The following CNTN6 variants were observed in gnomAD, a reference collection of about 807,000 sequenced individuals.
CNTN6 encodes the protein contactin-6.
In CNTN6, 137 loss-of-function variants were observed where a neutral mutation model predicts 122.8. The observed-to-expected ratio is 1.12, with a 90% CI of 0.97 to 1.29. CNTN6 has a LOEUF of 1.29. Among genes scored for constraint, CNTN6 ranks in the 50% most tolerant of loss-of-function variants. The pLI is 0.00. For missense variants in CNTN6, 1,634 were observed against 1,223.4 expected, an observed-to-expected ratio of 1.34 and a Z score of -5.01; for synonymous variants, 570 against 426.0, an observed-to-expected ratio of 1.34 and a Z score of -4.16.
chr3:1,155,879 G>T (rs996475137), intron 2 of CNTN6, among the ~76,000 whole-genome samples: 1 of 152,070 alleles, frequency 6.6e-6, no homozygotes, highest in African/African-American at 2.4e-5. Context: ...TTAGCTTATT[G>T]ACACAGATGC....
At chr3:1,173,308 T>A (rs1575115728) in intron 2 of CNTN6, 4 of 456,620 alleles carry the variant, frequency 8.8e-6, no homozygotes, top group African/African-American at 4.0e-5. Context: ...CACCTGGCGG[T>A]TTGCAAAGAG....
intron 12 of CNTN6, among the ~76,000 whole-genome samples, chr3:1,363,443 A>G (rs1707768525): frequency 6.6e-6 from 1 of 151,954 alleles, no homozygotes; most frequent in Admixed American, 6.6e-5. Flanking sequence ...GCTCTCAGTG[A>G]CCACCATTCT....
At chr3:1,348,465 G>C (rs1311416077) in intron 11 of CNTN6, among the ~76,000 whole-genome samples, 1 of 151,942 alleles carries the variant, frequency 6.6e-6, no homozygotes, top group Non-Finnish European at 1.5e-5. Flanking sequence ...AGAATCTTGA[G>C]AAAATGCACA....
Position 1,247,630 on chromosome 3 carries a change from A to C in CNTN6, c.358+19637A>C, listed in dbSNP as rs375310279. Among the ~76,000 whole-genome samples the C allele has an allele frequency of 3.3e-5, 5 of 152,304 alleles. No individual in the cohort carries two copies. In the East Asian group the frequency reaches 9.6e-4, roughly 29 times the overall value. The stretch of plus-strand genomic sequence containing the variant: ...CGGTACATATCTTTCATTGGATAAA[A>C]ATATAACAACTGTTTCTGTGAGTAT... On this transcript the variant is annotated intron_variant, in intron 4 of 22. Coordinates refer to ENST00000446702, the MANE Select transcript of CNTN6 (RefSeq NM_001289080.2).
Position 1,383,170 on chromosome 3 carries a change from G to A in CNTN6, c.2395G>A (p.Glu799Lys), listed in dbSNP as rs748622111. 1 of 1,611,856 alleles carries A rather than the reference G, an allele frequency of 6.2e-7. No homozygotes were observed. The highest frequency in any genetic ancestry group is 8.5e-7 in the Non-Finnish European group (1 of 1,177,996). ...LSTVTIVYSGEDEPQLAPRGT... is the reference protein window; with the variant it reads ...LSTVTIVYSGKDEPQLAPRGT... Reference sequence around the variant, plus strand: ...TACTGTGACCATTGTCTACTCTGGGGAAGATGGTAAGTTGTCCTCAACTCT... The same window carrying A: ...TACTGTGACCATTGTCTACTCTGGGAAAGATGGTAAGTTGTCCTCAACTCT... The change falls in exon 18 of 23, where the codon GAA becomes AAA. Residue 799 changes from glutamate (E) to lysine (K), a missense_variant. Transcript: ENST00000446702.
Position 1,325,958 on chromosome 3 carries a change from A to G in CNTN6, c.1083+7A>G, listed in dbSNP as rs377750543. 2 of 1,603,162 alleles carry G rather than the reference A, an allele frequency of 1.2e-6. No individual in the cohort carries two copies. The highest frequency in any genetic ancestry group is 2.7e-5 in the African/African-American group (2 of 73,992). Reference sequence around the variant, plus strand: ...TGAACGACTCAACCCAGAGGTAAGCAACTATGTTGATATTAAAAGTTTACC... The same window carrying G: ...TGAACGACTCAACCCAGAGGTAAGCGACTATGTTGATATTAAAAGTTTACC... On this transcript the variant is annotated splice_region_variant and intron_variant, in intron 9 of 22. Transcript: ENST00000446702.
At chr3:1,329,745 CTGAG>C (rs750419076) in intron 10 of CNTN6, 36 bp from the exon 11 acceptor site, 2 of 1,574,358 alleles carry the variant, frequency 1.3e-6, no homozygotes, top group African/African-American at 2.7e-5. Context: ...TACATGTTAA[CTGAG>C]TAATTAAACA....
intron 5 of CNTN6, among the ~76,000 whole-genome samples, chr3:1,294,292 A>T (rs1242713722): frequency 1.3e-5 from 2 of 152,224 alleles, no homozygotes; most frequent in Non-Finnish European, 1.5e-5. Context: ...GCTTATAGTC[A>T]TGAAAACAAT....
chr3:1,179,863 C>A (rs965582951), intron 2 of CNTN6, among the ~76,000 whole-genome samples: 1 of 152,096 alleles, frequency 6.6e-6, no homozygotes, highest in Admixed American at 6.6e-5. Flanking sequence ...AATCTACAAG[C>A]CAGTTAAAAT....
chr3:1,240,587 A>C (rs2094469989), intron 4 of CNTN6, among the ~76,000 whole-genome samples: 1 of 152,174 alleles, frequency 6.6e-6, no homozygotes, highest in Non-Finnish European at 1.5e-5. Flanking sequence ...AATGTAAACT[A>C]GTACAATCAC....
intron 20 of CNTN6, among the ~76,000 whole-genome samples, chr3:1,398,845 T>C (rs1168342542): frequency 1.3e-5 from 2 of 152,156 alleles, no homozygotes; most frequent in African/African-American, 2.4e-5. Flanking sequence ...ATCTGTATAA[T>C]TGGCTATTCA....
intron 2 of CNTN6, among the ~76,000 whole-genome samples, chr3:1,183,038 C>A (rs2093580006): frequency 6.6e-6 from 1 of 152,056 alleles, no homozygotes; most frequent in Non-Finnish European, 1.5e-5. Context: ...GCAGGCATGG[C>A]CTCTTTTCTT....
At chr3:1,157,224 T>TA (rs1249841031) in intron 2 of CNTN6, among the ~76,000 whole-genome samples, 5,891 of 144,774 alleles carry the variant, frequency 0.041, 148 homozygotes, top group African/African-American at 0.049. Context: ...TTATTTAATT[T>TA]ATTTATTTAT....
chr3:1,226,882 A>T (rs1014345399), intron 3 of CNTN6, among the ~76,000 whole-genome samples: 3 of 152,280 alleles, frequency 2.0e-5, no homozygotes, highest in Admixed American at 6.5e-5. Context: ...CAATAGTTTT[A>T]AGTGTTTATT....
intron 2 of CNTN6, among the ~76,000 whole-genome samples, chr3:1,191,093 G>C (rs1260892133): frequency 6.6e-6 from 1 of 152,104 alleles, no homozygotes; most frequent in African/African-American, 2.4e-5. Flanking sequence ...CTAATACTGA[G>C]CTCCTAAAAC....
chr3:1,336,232 A>G (rs969403551), intron 11 of CNTN6, among the ~76,000 whole-genome samples: 29 of 152,288 alleles, frequency 1.9e-4, no homozygotes, highest in Non-Finnish European at 3.8e-4. Flanking sequence ...TAATGATGAT[A>G]ACCACTTTAA....
chr3:1,241,294 G>A (rs955670646), intron 4 of CNTN6, among the ~76,000 whole-genome samples: 6 of 139,136 alleles, frequency 4.3e-5, no homozygotes, highest in African/African-American at 1.3e-4. Context: ...GAAGTGTTGG[G>A]GTGGTGAAAA....
intron 5 of CNTN6, among the ~76,000 whole-genome samples, chr3:1,286,457 C>T (rs1694358366): frequency 1.3e-5 from 2 of 152,036 alleles, no homozygotes; most frequent in Non-Finnish European, 2.9e-5. Flanking sequence ...GTTTGGTTTT[C>T]TGTTCTTGTG....
intron 4 of CNTN6, among the ~76,000 whole-genome samples, chr3:1,274,360 G>C (rs894094188): frequency 6.6e-6 from 1 of 152,170 alleles, no homozygotes; most frequent in Non-Finnish European, 1.5e-5. Context: ...ATTCCTGTAT[G>C]AGAAACATGG....
Sources: gnomAD v4.1 joint callset for allele counts (sites outside exome capture counted in the v4.1 genomes callset) on GRCh38, gnomAD v4.1.1 for gene constraint, MANE v1.5 for transcripts, NCBI Gene and HGNC (gene_info 2026-07-23, HGNC 2026-07-21) for gene names.